The following SEC11A variants were observed in gnomAD, a reference collection of about 807,000 sequenced individuals.
SEC11A encodes signal peptidase complex catalytic subunit SEC11A.
SEC11A carries 14 observed loss-of-function variants against 25.6 expected under a neutral mutation model. The ratio of observed to expected loss-of-function variants is 0.55; its 90% CI spans 0.36 to 0.85. The LOEUF is 0.85. Among genes scored for constraint, SEC11A ranks in the 40% least tolerant of loss-of-function variants. The pLI is 0.01. For missense variants in SEC11A, 153 were observed against 222.9 expected (o/e 0.69, Z 2.00); for synonymous variants, 83 against 76.4 (o/e 1.09, Z -0.45).
At chr15:84,700,849 G>A (rs934625544) in intron 1 of SEC11A, among the ~76,000 whole-genome samples, 10 of 150,124 alleles carry the variant, frequency 6.7e-5, no homozygotes, top group East Asian at 5.9e-4. Flanking sequence ...GCGTGGTGGC[G>A]CATGCCTGTA....
chr15:84,678,511 C>T (rs1596069578), intron 4 of SEC11A, among the ~76,000 whole-genome samples: 2 of 152,128 alleles, frequency 1.3e-5, no homozygotes, highest in East Asian at 3.9e-4. Flanking sequence ...TCTATATGTT[C>T]TATCCATAGG....
intron 4 of SEC11A, among the ~76,000 whole-genome samples, chr15:84,674,719 T>C (rs1897092021): frequency 6.6e-6 from 1 of 152,076 alleles, no homozygotes; most frequent in Non-Finnish European, 1.5e-5. Flanking sequence ...CCACCATGCC[T>C]GGCTAATTTT....
chr15:84,682,778 A>G (rs889016743), intron 3 of SEC11A, among the ~76,000 whole-genome samples: 1 of 152,118 alleles, frequency 6.6e-6, no homozygotes, highest in Non-Finnish European at 1.5e-5. Flanking sequence ...TCAGAAAATT[A>G]TTAGCTTAAT....
At chr15:84,715,793 C>CGT (rs1898444969) in intron 1 of SEC11A, among the ~76,000 whole-genome samples, 1 of 152,184 alleles carries the variant, frequency 6.6e-6, no homozygotes, top group African/African-American at 2.4e-5. Context: ...AGGAATGGAA[C>CGT]GTGAAGACAC....
chr15:84,698,470 G>A (rs1344429078), intron 1 of SEC11A, among the ~76,000 whole-genome samples: 4 of 151,994 alleles, frequency 2.6e-5, no homozygotes, highest in Non-Finnish European at 4.4e-5. Flanking sequence ...TATTACAGAA[G>A]GTATACTGAT....
At chr15:84,670,093 A>G in intron 5 of SEC11A, 24 bp from the exon 6 acceptor site, 1 of 1,608,540 alleles carries the variant, frequency 6.2e-7, no homozygotes, top group Non-Finnish European at 8.5e-7. Flanking sequence ...ACAGAACCAC[A>G]AGTCAGAGAA....
At chr15:84,706,677 C>T (rs1022696504) in intron 1 of SEC11A, among the ~76,000 whole-genome samples, 2 of 152,138 alleles carry the variant, frequency 1.3e-5, no homozygotes, top group Admixed American at 6.5e-5. Flanking sequence ...TATCTTTATT[C>T]GAAAGCTAAC....
At chr15:84,705,178 G>C (rs915959336) in intron 1 of SEC11A, among the ~76,000 whole-genome samples, 2 of 152,158 alleles carry the variant, frequency 1.3e-5, no homozygotes, top group Non-Finnish European at 2.9e-5. Flanking sequence ...TCCTGTCCAG[G>C]CTTCCCAAAG....
chr15:84,703,486 A>T (rs937126580), intron 1 of SEC11A, among the ~76,000 whole-genome samples: 11 of 152,312 alleles, frequency 7.2e-5, no homozygotes, highest in African/African-American at 2.6e-4. Context: ...CAGCTGACTA[A>T]GGAACACTTT....
intron 1 of SEC11A, among the ~76,000 whole-genome samples, chr15:84,712,500 T>C (rs1172720808): frequency 5.3e-5 from 8 of 149,682 alleles, no homozygotes; most frequent in Non-Finnish European, 1.2e-4. Context: ...CAGGCTGGAG[T>C]GCAGTGGTGC....
At chr15:84,702,142 G>A (rs992649405) in intron 1 of SEC11A, among the ~76,000 whole-genome samples, 1 of 151,272 alleles carries the variant, frequency 6.6e-6, no homozygotes, top group African/African-American at 2.4e-5. Flanking sequence ...AAACATTTCT[G>A]CAACTAATAA....
intron 2 of SEC11A, among the ~76,000 whole-genome samples, chr15:84,690,529 A>T (rs1451157976): frequency 6.6e-6 from 1 of 152,110 alleles, no homozygotes; most frequent in Non-Finnish European, 1.5e-5. Flanking sequence ...AAATGGAAGG[A>T]TCCCTTGAGA....
chr15:84,705,204 C>T (rs556529076), intron 1 of SEC11A, among the ~76,000 whole-genome samples: 1 of 152,288 alleles, frequency 6.6e-6, no homozygotes, highest in African/African-American at 2.4e-5. Flanking sequence ...GGATTATAGG[C>T]CTGAGCCACT....
At chr15:84,688,622 C>T (rs576395145) in intron 2 of SEC11A, among the ~76,000 whole-genome samples, 4 of 152,326 alleles carry the variant, frequency 2.6e-5, no homozygotes, top group African/African-American at 9.6e-5. Context: ...AAGTTCAACG[C>T]AGGAATAAGT....
At chr15:84,675,807 T>C (rs1269701275) in intron 4 of SEC11A, among the ~76,000 whole-genome samples, 1 of 152,206 alleles carries the variant, frequency 6.6e-6, no homozygotes, top group African/African-American at 2.4e-5. Flanking sequence ...ATTGGTTCAG[T>C]ATTAGTTTCA....
chr15:84,680,687 T>C, intron 4 of SEC11A, 26 bp downstream of exon 4: 1 of 1,566,416 alleles, frequency 6.4e-7, no homozygotes, highest in Non-Finnish European at 8.7e-7. Flanking sequence ...ATATAAAAAG[T>C]TTGAGATGCT....
intron 1 of SEC11A, among the ~76,000 whole-genome samples, chr15:84,706,051 G>A (rs1031864085): frequency 6.6e-6 from 1 of 151,530 alleles, no homozygotes; most frequent in African/African-American, 2.4e-5. Context: ...GGGAATACAG[G>A]TGCCCGCCAC....
chr15:84,709,286 C>G (rs1456215802), intron 1 of SEC11A, among the ~76,000 whole-genome samples: 2 of 152,038 alleles, frequency 1.3e-5, no homozygotes, highest in Non-Finnish European at 2.9e-5. Context: ...CTGCCTCAGC[C>G]TCCCTGAGCA....
intron 1 of SEC11A, among the ~76,000 whole-genome samples, chr15:84,702,321 C>T (rs1214304359): frequency 3.4e-5 from 5 of 148,558 alleles, no homozygotes; most frequent in East Asian, 2.0e-4. Flanking sequence ...ATTAGCTGGG[C>T]GTGGTGGCGG....
Sources: gnomAD v4.1 joint callset for allele counts (sites outside exome capture counted in the v4.1 genomes callset) on GRCh38, gnomAD v4.1.1 for gene constraint, MANE v1.5 for transcripts, NCBI Gene and HGNC (gene_info 2026-07-23, HGNC 2026-07-21) for gene names.